The following GPC5 variants were observed in gnomAD, a reference collection of about 807,000 sequenced individuals.
The protein encoded by GPC5 is glypican 5.
A neutral mutation model predicts 53.9 loss-of-function variants in GPC5; 47 were observed. The ratio of observed to expected loss-of-function variants is 0.87; its 90% CI spans 0.69 to 1.11. The LOEUF is 1.11. Among genes scored for constraint, GPC5 ranks in the 50% most tolerant of loss-of-function variants. The pLI is 0.00. For synonymous variants in GPC5, 286 were observed against 263.3 expected (o/e 1.09, Z -0.84); for missense variants, 748 against 713.1 (o/e 1.05, Z -0.56).
intron 7 of GPC5, among the ~76,000 whole-genome samples, chr13:92,546,389 C>A (rs974424972): frequency 1.3e-5 from 2 of 151,920 alleles, no homozygotes; most frequent in African/African-American, 2.4e-5. Flanking sequence ...ACACAGAGAG[C>A]CAAATCATGA....
chr13:91,767,364 T>C (rs1475026092), intron 5 of GPC5, among the ~76,000 whole-genome samples: 1 of 152,214 alleles, frequency 6.6e-6, no homozygotes, highest in Non-Finnish European at 1.5e-5. Flanking sequence ...AAAGTTAAGA[T>C]ACAAAGATAA....
Position 92,866,353 on chromosome 13 carries a change from A to G in GPC5, c.1633A>G (p.Thr545Ala). ...HQTDTGSTLDTTGAGCAVATE... is the reference protein window; with the variant it reads ...HQTDTGSTLDATGAGCAVATE... Reference sequence around the variant, plus strand: ...AACAGACACTGGCAGTACTTTAGACACAACAGGAGCAGGATGTGCAGTGGC... The same window carrying G: ...AACAGACACTGGCAGTACTTTAGACGCAACAGGAGCAGGATGTGCAGTGGC... Residue 545 changes from threonine (T) to alanine (A), a missense_variant, in exon 8 of 8, where the codon ACA becomes GCA. By Grantham distance (58) the Thr-to-Ala change is moderately conservative. Transcript: ENST00000377067. The G allele has an allele frequency of 6.2e-7, 1 of 1,613,270 alleles. No individual in the cohort carries two copies. Among genetic ancestry groups the G allele is most frequent in the African/African-American group, 1.3e-5 (1 of 74,980 alleles).
At chr13:91,405,718 A>T (rs948303656) in intron 1 of GPC5, among the ~76,000 whole-genome samples, 1 of 152,102 alleles carries the variant, frequency 6.6e-6, no homozygotes, top group Non-Finnish European at 1.5e-5. Flanking sequence ...GTCAAGCAGG[A>T]TCCTACACTC....
At chr13:92,004,120 TC>T in intron 6 of GPC5, among the ~76,000 whole-genome samples, 1 of 152,190 alleles carries the variant, frequency 6.6e-6, no homozygotes, top group East Asian at 1.9e-4. Flanking sequence ...GACTTTATTT[TC>T]CCAAAGTGTT....
At position 92,758,925 on chromosome 13, in the gene GPC5, C is replaced by G. The variant is rs142670162; in HGVS notation, c.1562-107357C>G. Among the ~76,000 whole-genome samples, 520 of 146,860 alleles carry G rather than the reference C, an allele frequency of 3.5e-3. 3 individuals carry two copies. Among genetic ancestry groups the G allele is most frequent in the African/African-American group, 0.012 (483 of 39,604 alleles). On this transcript the variant is annotated intron_variant, in intron 7 of 7. Coordinates refer to ENST00000377067, the MANE Select transcript of GPC5 (RefSeq NM_004466.6). ...TTTGTGTATGGTGTAAAAGAAGGGT[C>G]CAATTTCATTGGTTTATTTTCAGAT...
intron 7 of GPC5, among the ~76,000 whole-genome samples, chr13:92,628,768 C>G (rs375574619): frequency 1.3e-5 from 2 of 152,250 alleles, no homozygotes; most frequent in African/African-American, 4.8e-5. Context: ...TCTCATTGGC[C>G]TGGCTGACAT....
intron 5 of GPC5, among the ~76,000 whole-genome samples, chr13:91,783,145 T>A (rs1253492401): frequency 6.6e-6 from 1 of 152,080 alleles, no homozygotes. Flanking sequence ...TCCCAGCTAC[T>A]CAGAAGGCTG....
chr13:92,313,953 G>A (rs952653979), intron 7 of GPC5, among the ~76,000 whole-genome samples: 2 of 151,860 alleles, frequency 1.3e-5, no homozygotes, highest in African/African-American at 4.8e-5. Flanking sequence ...CACTCATCTC[G>A]CCTGTCTAGC....
chr13:92,624,057 T>TC (rs1768007957), intron 7 of GPC5, among the ~76,000 whole-genome samples: 1 of 147,890 alleles, frequency 6.8e-6, no homozygotes, highest in Non-Finnish European at 1.5e-5. Context: ...AGACGGCGTT[T>TC]CCCCACGTTG....
intron 2 of GPC5, among the ~76,000 whole-genome samples, chr13:91,631,863 A>G (rs1355752365): frequency 6.6e-6 from 1 of 152,182 alleles, no homozygotes; most frequent in Non-Finnish European, 1.5e-5. Flanking sequence ...ATTATGAAGA[A>G]CTTGACAACT....
At chr13:92,291,518 C>T (rs573728534) in intron 7 of GPC5, among the ~76,000 whole-genome samples, 48 of 152,190 alleles carry the variant, frequency 3.2e-4, no homozygotes, top group African/African-American at 3.1e-4. Context: ...GGATTGTAAA[C>T]GCACCAATCA....
chr13:92,614,622 G>A (rs1313968553), intron 7 of GPC5, among the ~76,000 whole-genome samples: 2 of 152,132 alleles, frequency 1.3e-5, no homozygotes, highest in African/African-American at 4.8e-5. Flanking sequence ...AATTCAAATG[G>A]TTGGTTACAA....
At chr13:92,467,700 T>C (rs1878751847) in intron 7 of GPC5, among the ~76,000 whole-genome samples, 1 of 152,124 alleles carries the variant, frequency 6.6e-6, no homozygotes, top group Admixed American at 6.6e-5. Context: ...TAGAGTCGTA[T>C]TTTTAACTGC....
chr13:91,888,796 A>C (rs2039354193), intron 5 of GPC5, among the ~76,000 whole-genome samples: 1 of 152,078 alleles, frequency 6.6e-6, no homozygotes, highest in African/African-American at 2.4e-5. Flanking sequence ...AATCCTTCTC[A>C]ATAGAGAAGG....
intron 7 of GPC5, among the ~76,000 whole-genome samples, chr13:92,302,393 T>A (rs2043081907): frequency 6.6e-6 from 1 of 152,198 alleles, no homozygotes; most frequent in African/African-American, 2.4e-5. Flanking sequence ...AATTGAATAG[T>A]GCCCTTGGAT....
intron 5 of GPC5, among the ~76,000 whole-genome samples, chr13:91,831,967 T>C (rs1434634722): frequency 5.3e-5 from 8 of 152,006 alleles, no homozygotes; most frequent in Non-Finnish European, 1.2e-4. Flanking sequence ...TGTAGATGCC[T>C]ATTAGGTCTG....
chr13:91,577,029 C>G (rs1381161403), intron 2 of GPC5, among the ~76,000 whole-genome samples: 2 of 152,124 alleles, frequency 1.3e-5, no homozygotes, highest in Non-Finnish European at 2.9e-5. Context: ...ATTTGACCTT[C>G]TCTCTACTCC....
intron 6 of GPC5, among the ~76,000 whole-genome samples, chr13:92,136,494 T>TA (rs1259594799): frequency 1.3e-5 from 2 of 152,206 alleles, no homozygotes; most frequent in Non-Finnish European, 2.9e-5. Flanking sequence ...CACCTACCTA[T>TA]ACTCATTATA....
intron 7 of GPC5, among the ~76,000 whole-genome samples, chr13:92,692,231 A>G (rs558293483): frequency 6.6e-6 from 1 of 152,220 alleles, no homozygotes; most frequent in South Asian, 2.1e-4. Context: ...GCTGCATAGT[A>G]TTACATGGTG....
Sources: gnomAD v4.1 joint callset for allele counts (sites outside exome capture counted in the v4.1 genomes callset) on GRCh38, gnomAD v4.1.1 for gene constraint, MANE v1.5 for transcripts, NCBI Gene and HGNC (gene_info 2026-07-23, HGNC 2026-07-21) for gene names.